Variants in RTN1 observed in about 807,000 individuals in gnomAD.
RTN1 encodes reticulon-1.
RTN1 carries 25 observed loss-of-function variants against 65.5 expected under a neutral mutation model. That is an observed-to-expected ratio of 0.38 (90% CI 0.28 to 0.53). The LOEUF (loss-of-function observed/expected upper bound fraction) is 0.53. Ranked by LOEUF, RTN1 falls within the 20% of genes least tolerant of loss-of-function variation. The pLI is 0.79. For synonymous variants in RTN1, 471 were observed against 447.6 expected (o/e 1.05, Z -0.66); for missense variants, 983 against 1,025.4 (o/e 0.96, Z 0.57).
intron 1 of RTN1, among the ~76,000 whole-genome samples, chr14:59,757,453 C>A (rs1348769626): frequency 6.6e-6 from 1 of 152,148 alleles, no homozygotes; most frequent in Non-Finnish European, 1.5e-5. Flanking sequence ...GTAAGACATC[C>A]TTTTGCTCTT....
chr14:59,689,873 C>A (rs1019088700), intron 3 of RTN1, among the ~76,000 whole-genome samples: 1 of 152,274 alleles, frequency 6.6e-6, no homozygotes, highest in Middle Eastern at 3.4e-3. Flanking sequence ...AAGTACACAG[C>A]CCACAGACCC....
At chr14:59,739,099 G>A (rs1047015393) in intron 2 of RTN1, among the ~76,000 whole-genome samples, 1 of 151,974 alleles carries the variant, frequency 6.6e-6, no homozygotes, top group Non-Finnish European at 1.5e-5. Flanking sequence ...AAAACACCAT[G>A]GCACATGTTT....
At chr14:59,709,100 A>G (rs1310954064) in intron 3 of RTN1, among the ~76,000 whole-genome samples, 2 of 152,192 alleles carry the variant, frequency 1.3e-5, no homozygotes, top group African/African-American at 4.8e-5. Context: ...GTTAGATGTA[A>G]TAATGAGCCT....
intron 2 of RTN1, among the ~76,000 whole-genome samples, chr14:59,741,141 A>C (rs1290419222): frequency 2.6e-5 from 4 of 152,174 alleles, no homozygotes; most frequent in Non-Finnish European, 4.4e-5. Context: ...CCCAAGTCTG[A>C]TCCTGCCACA....
chr14:59,748,210 G>GT lies in RTN1; in HGVS notation c.242-1730dup, dbSNP rs67657505. On this transcript the variant is annotated intron_variant, in intron 1 of 8. Coordinates refer to ENST00000267484, the MANE Select transcript of RTN1 (RefSeq NM_021136.3). ...TGCCCCGATTAAGTCAGTCTGTGAG[G>GT]TTTTTTTTTTTTTTTTTTCCGGGAA... is the stretch of plus-strand genomic sequence containing the variant. Among the ~76,000 whole-genome samples, 887 of 125,960 alleles carry GT rather than the reference G, an allele frequency of 7.0e-3. 4 individuals carry two copies. Among genetic ancestry groups the GT allele is most frequent in the Middle Eastern group, 0.013 (3 of 234 alleles). The allele number at this position is 125,960 out of a possible 152,430, so 82.6% of individuals were successfully genotyped here.
chr14:59,856,282 G>A (rs1485262262), intron 1 of RTN1, among the ~76,000 whole-genome samples: 1 of 152,044 alleles, frequency 6.6e-6, no homozygotes. Context: ...TTTTATATAA[G>A]ACTTTAATCT....
chr14:59,668,694 A>C lies in RTN1; in HGVS notation c.1765+58225T>G, dbSNP rs1883435051. Among the ~76,000 whole-genome samples the C allele has an allele frequency of 3.9e-5, 6 of 152,230 alleles. No homozygotes were observed. In the South Asian group the frequency reaches 1.2e-3, roughly 31 times the overall value. ...CTACAGAATCGGAGAAAATTTTTGC[A>C]ATCTACCCATCTGACAAAGGGCTAA... On this transcript the variant is annotated intron_variant, in intron 3 of 8. Coordinates refer to ENST00000267484, the MANE Select transcript of RTN1 (RefSeq NM_021136.3).
At chr14:59,746,933 T>G in intron 1 of RTN1, among the ~76,000 whole-genome samples, 1 of 152,182 alleles carries the variant, frequency 6.6e-6, no homozygotes, top group East Asian at 1.9e-4. Context: ...GAGCTGCTCT[T>G]GGAAATTCAA....
At chr14:59,625,666 G>A (rs1255072438) in intron 3 of RTN1, among the ~76,000 whole-genome samples, 1 of 151,992 alleles carries the variant, frequency 6.6e-6, no homozygotes, top group African/African-American at 2.4e-5. Flanking sequence ...TTAACTCTGG[G>A]TGGTAGGATT....
At chr14:59,634,209 G>T (rs1191694047) in intron 3 of RTN1, among the ~76,000 whole-genome samples, 1 of 152,182 alleles carries the variant, frequency 6.6e-6, no homozygotes, top group Non-Finnish European at 1.5e-5. Flanking sequence ...ATGCCATTAA[G>T]ATATATGGGA....
intron 2 of RTN1, among the ~76,000 whole-genome samples, chr14:59,729,642 G>C (rs1884858286): frequency 6.6e-6 from 1 of 152,208 alleles, no homozygotes; most frequent in Admixed American, 6.5e-5. Context: ...TGTACCTCCA[G>C]AGCACTGCTA....
chr14:59,688,659 A>G (rs1436603298), intron 3 of RTN1, among the ~76,000 whole-genome samples: 2 of 152,230 alleles, frequency 1.3e-5, no homozygotes, highest in Non-Finnish European at 2.9e-5. Context: ...GCACAGCCCA[A>G]GATAAGACCT....
chr14:59,630,644 G>A, intron 3 of RTN1: 14 of 1,314,318 alleles, frequency 1.1e-5, no homozygotes, highest in Admixed American at 3.3e-5. Flanking sequence ...CAGGCGGCGC[G>A]CGGTGAGGGG....
chr14:59,719,407 G>C (rs574907163), intron 3 of RTN1, among the ~76,000 whole-genome samples: 1 of 152,286 alleles, frequency 6.6e-6, no homozygotes, highest in South Asian at 2.1e-4. Context: ...ACCTTCCTAA[G>C]TGCCACCCAC....
At position 59,607,750 on chromosome 14, in the gene RTN1, T is replaced by C. The variant is rs564866989; in HGVS notation, c.1766-258A>G. 16 of 486,508 alleles carry C rather than the reference T, an allele frequency of 3.3e-5. 1 individual carries two copies. Among genetic ancestry groups the C allele is most frequent in the African/African-American group, 1.8e-4 (9 of 51,382 alleles). 30.1% of individuals were successfully genotyped at this position (486,508 alleles called of 1,614,324 possible). A position where few individuals can be genotyped will look rare whatever the true frequency, so the allele number is the denominator to read the frequency against. ...GACTATTGAATCTCCATTGACCATA[T>C]CGCGATGGGTGTAGCTCTGTGGGCT... On this transcript the variant is annotated intron_variant, in intron 3 of 8. Transcript: ENST00000267484.
intron 3 of RTN1, among the ~76,000 whole-genome samples, chr14:59,640,309 A>T (rs1023777611): frequency 5.9e-5 from 9 of 151,840 alleles, no homozygotes; most frequent in African/African-American, 2.2e-4. Flanking sequence ...ATTTTATTTA[A>T]TTAATTAATT....
intron 3 of RTN1, among the ~76,000 whole-genome samples, chr14:59,671,904 C>T (rs1232546295): frequency 6.6e-6 from 1 of 152,178 alleles, no homozygotes; most frequent in East Asian, 1.9e-4. Flanking sequence ...GGCTACTTCC[C>T]ACAAAACAAA....
At chr14:59,769,387 T>C (rs569161546) in intron 1 of RTN1, among the ~76,000 whole-genome samples, 14 of 151,614 alleles carry the variant, frequency 9.2e-5, no homozygotes, top group African/African-American at 3.4e-4. Flanking sequence ...TTACACAATA[T>C]GAATATAAAA....
chr14:59,664,291 G>T (rs4901953), intron 3 of RTN1, among the ~76,000 whole-genome samples: 17,245 of 151,910 alleles, frequency 0.11, 1,274 homozygotes, highest in South Asian at 0.18. Context: ...CACAGGGAGG[G>T]GAACATCACA....
Sources: allele counts gnomAD v4.1 joint callset (sites outside exome capture counted in the v4.1 genomes callset), GRCh38; gene constraint gnomAD v4.1.1; transcripts MANE v1.5; gene names NCBI Gene and HGNC (gene_info 2026-07-23, HGNC 2026-07-21).